Variants in CACNA1C observed in about 807,000 individuals in gnomAD.
CACNA1C encodes calcium voltage-gated channel subunit alpha1 C.
A neutral mutation model predicts 229.0 loss-of-function variants in CACNA1C; 30 were observed. That is an observed-to-expected ratio of 0.13 (90% CI 0.10 to 0.18). The LOEUF is 0.18. Among genes scored for constraint, CACNA1C ranks in the 10% least tolerant of loss-of-function variants. The pLI, the probability that CACNA1C is intolerant of heterozygous loss-of-function variation, is 1.00. For synonymous variants in CACNA1C, 1,114 were observed against 1,132.5 expected (o/e 0.98, Z 0.33); for missense variants, 1,658 against 2,845.0 (o/e 0.58, Z 9.49).
Position 2,053,670 on chromosome 12 carries a change from C to A in CACNA1C, c.49+59C>A, listed in dbSNP as rs2053097902. On this transcript the variant is annotated intron_variant, in intron 1 of 46. Transcript: ENST00000399655. This position sits in a 1 kb window ranked among gnomAD's most constrained non-coding sequence, Gnocchi z 5.8. The stretch of plus-strand genomic sequence containing the variant: ...CCTGCCTTTTCCACCGGGTTCCTGC[C>A]CTACCCGCGCTCCCCGCGGCCCCGG... 1.3e-6 allele frequency: 2 copies of A among 1,502,640 alleles called. No individual in the cohort carries two copies. Among genetic ancestry groups the A allele is most frequent in the South Asian group, 2.6e-5 (2 of 76,962 alleles). The allele number at this position is 1,502,640 out of a possible 1,614,324, so 93.1% of individuals were successfully genotyped here. A position where few individuals can be genotyped will look rare whatever the true frequency, so the allele number is the denominator to read the frequency against.
chr12:2,296,024 A>G (rs894628287), intron 3 of CACNA1C, among the ~76,000 whole-genome samples: 9 of 152,252 alleles, frequency 5.9e-5, no homozygotes. Context: ...TGGAAGGGAT[A>G]TCACATGCCA....
intron 1 of CACNA1C, among the ~76,000 whole-genome samples, chr12:2,061,051 G>A (rs2057302175): frequency 6.6e-6 from 1 of 151,900 alleles, no homozygotes; most frequent in Admixed American, 6.6e-5. Context: ...AAGGCTGTAG[G>A]CTAGAGAAAT....
At chr12:2,434,414 A>C (rs1365628195) in intron 3 of CACNA1C, among the ~76,000 whole-genome samples, 1 of 152,232 alleles carries the variant, frequency 6.6e-6, no homozygotes, top group Non-Finnish European at 1.5e-5. Context: ...AGTCTCTGCA[A>C]CAAGATATTC....
intron 3 of CACNA1C, among the ~76,000 whole-genome samples, chr12:2,143,480 C>T (rs886811628): frequency 6.6e-6 from 1 of 150,958 alleles, no homozygotes; most frequent in Non-Finnish European, 1.5e-5. Flanking sequence ...TTTTTATGTA[C>T]CTTATCTATG....
Position 2,677,848 on chromosome 12 carries a change from C to G in CACNA1C, c.5072C>G (p.Ser1691Cys). Residue 1691 changes from serine to cysteine, a missense_variant, in exon 41 of 47, where the codon TCT (serine) becomes TGT (cysteine). Ser to Cys is a moderately radical substitution (Grantham distance 112, BLOSUM62 -1). Coordinates refer to ENST00000399655, the MANE Select transcript of CACNA1C (RefSeq NM_000719.7). This position sits in a 1 kb window ranked among gnomAD's most constrained non-coding sequence, Gnocchi z 7.4. ...ATGAAGGAGGCTGTGTCCGCTGCTTCTGAAGATGACATCTTCAGGGTGGGT... is the reference window on the plus strand; with the variant it reads ...ATGAAGGAGGCTGTGTCCGCTGCTTGTGAAGATGACATCTTCAGGGTGGGT... ...KAMKEAVSAA[S>C]EDDIFRRAGG... 2 of 1,614,030 alleles carry G rather than the reference C, an allele frequency of 1.2e-6. No homozygotes were observed. The highest frequency in any genetic ancestry group is 1.7e-6 in the Non-Finnish European group (2 of 1,179,896).
At chr12:2,623,692 A>G (rs921387090) in intron 29 of CACNA1C, among the ~76,000 whole-genome samples, 2 of 152,138 alleles carry the variant, frequency 1.3e-5, no homozygotes, top group Admixed American at 6.5e-5. Context: ...TAGCCCAGGA[A>G]TGCCGTGTGC....
intron 3 of CACNA1C, among the ~76,000 whole-genome samples, chr12:2,233,265 A>G (rs1228775935): frequency 6.6e-6 from 1 of 152,046 alleles, no homozygotes; most frequent in Non-Finnish European, 1.5e-5. Flanking sequence ...TGTCCATGTG[A>G]CTCATCTGGG....
intron 5 of CACNA1C, among the ~76,000 whole-genome samples, chr12:2,472,803 T>A (rs2099600326): frequency 6.6e-6 from 1 of 152,234 alleles, no homozygotes. Flanking sequence ...TTGTTGTGAC[T>A]CTGGATCTTT....
intron 1 of CACNA1C, among the ~76,000 whole-genome samples, chr12:2,063,711 G>A (rs921851362): frequency 6.6e-6 from 1 of 152,224 alleles, no homozygotes; most frequent in Admixed American, 6.5e-5. Flanking sequence ...GTTGTACCAT[G>A]TGTCAGGACT....
chr12:2,692,004 A>AAGAAG lies in CACNA1C; in HGVS notation c.*808_*812dup, dbSNP rs2097794768. On this transcript the variant is annotated 3_prime_UTR_variant, in exon 47 of 47. Transcript: ENST00000399655. ...TTTGCTTTCCCAGCGGGAGGGGAGG[A>AAGAAG]AGAAGAGTGTTTACAAAGTCCTGTA... 4 of 152,038 alleles carry AAGAAG rather than the reference A, an allele frequency of 2.6e-5. No homozygotes were observed. In the South Asian group the frequency reaches 8.3e-4, roughly 32 times the overall value. 9.4% of individuals were successfully genotyped at this position (152,038 alleles called of 1,614,324 possible). A position where few individuals can be genotyped will look rare whatever the true frequency, so the allele number is the denominator to read the frequency against.
chr12:2,306,204 TC>T (rs1309392574), intron 3 of CACNA1C, among the ~76,000 whole-genome samples: 4 of 152,178 alleles, frequency 2.6e-5, no homozygotes, highest in Non-Finnish European at 5.9e-5. Flanking sequence ...ATTGGATACT[TC>T]CGGAAGCTGT....
intron 1 of CACNA1C, among the ~76,000 whole-genome samples, chr12:2,107,014 CCCACCCCGGGGAGG>C (rs1232231380): frequency 6.6e-5 from 7 of 106,140 alleles, no homozygotes; most frequent in African/African-American, 1.6e-4. Flanking sequence ...CCACTGGGTG[CCCACCCCGGGGAGG>C]TTTTCCACCT....
chr12:2,171,786 G>A (rs539450160), intron 3 of CACNA1C, among the ~76,000 whole-genome samples: 1 of 152,326 alleles, frequency 6.6e-6, no homozygotes, highest in Admixed American at 6.5e-5. Flanking sequence ...GATAACAGGT[G>A]GAGAGGGGCA....
chr12:2,427,703 C>G (rs1270715173), intron 3 of CACNA1C, among the ~76,000 whole-genome samples: 1 of 152,106 alleles, frequency 6.6e-6, no homozygotes, highest in East Asian at 1.9e-4. Context: ...CTCACTGCAA[C>G]CTCCGCCTCC....
Position 2,677,334 on chromosome 12 carries a change from G to A in CACNA1C, c.4956+113G>A. The A allele has an allele frequency of 1.6e-6, 2 of 1,237,044 alleles. No individual in the cohort carries two copies. The highest frequency in any genetic ancestry group is 2.2e-6 in the Non-Finnish European group (2 of 898,842). 76.6% of individuals were successfully genotyped at this position (1,237,044 alleles called of 1,614,324 possible). ...GGCTGGAGGCCAGGTCCCTGCAGAGGGAACCTTTCAGAGAGCTCCAGACCT... is the reference window on the plus strand; with the variant it reads ...GGCTGGAGGCCAGGTCCCTGCAGAGAGAACCTTTCAGAGAGCTCCAGACCT... On this transcript the variant is annotated intron_variant, in intron 40 of 46. Coordinates refer to ENST00000399655, the MANE Select transcript of CACNA1C (RefSeq NM_000719.7). The surrounding 1 kb of genome is among the most constrained non-coding windows in gnomAD (Gnocchi z 7.4).
chr12:2,206,881 C>T (rs1377208848), intron 3 of CACNA1C, among the ~76,000 whole-genome samples: 2 of 152,158 alleles, frequency 1.3e-5, no homozygotes, highest in Non-Finnish European at 2.9e-5. Flanking sequence ...AATACCCATG[C>T]TTCGTATTTT....
chr12:2,352,198 G>A (rs1324467737), intron 3 of CACNA1C, among the ~76,000 whole-genome samples: 3 of 152,106 alleles, frequency 2.0e-5, no homozygotes, highest in Non-Finnish European at 4.4e-5. Flanking sequence ...TGCACTGTGG[G>A]CCTTGGCAGA....
At position 2,536,807 on chromosome 12, in the gene CACNA1C, C is replaced by T. The variant is rs560551391; in HGVS notation, c.1391-13136C>T. Among the ~76,000 whole-genome samples the T allele has an allele frequency of 2.0e-5, 3 of 152,180 alleles. No individual in the cohort carries two copies. The East Asian group carries it at 5.8e-4, about 29-fold the overall frequency. ...TCATGTCACTACACTCCAGCCTGGG[C>T]AACAGAGTGAAACTCTGTTTCAGAA... On this transcript the variant is annotated intron_variant, in intron 9 of 46. Transcript: ENST00000399655.
At chr12:2,484,668 C>T (rs1055570880) in intron 5 of CACNA1C, among the ~76,000 whole-genome samples, 3 of 152,098 alleles carry the variant, frequency 2.0e-5, no homozygotes, top group East Asian at 1.9e-4. Flanking sequence ...TTTGGGGTTC[C>T]CACCACCTCG....
Sources: gnomAD v4.1 joint callset for allele counts (sites outside exome capture counted in the v4.1 genomes callset) on GRCh38, gnomAD v4.1.1 for gene constraint, Gnocchi (gnomAD v3.1) non-coding constraint, MANE v1.5 for transcripts, NCBI Gene and HGNC (gene_info 2026-07-23, HGNC 2026-07-21) for gene names.